SCHIP1: variants seen among roughly 807,000 people sequenced by gnomAD.
SCHIP1 encodes schwannomin-interacting protein 1.
A neutral mutation model predicts 29.7 loss-of-function variants in SCHIP1; 8 were observed. The ratio of observed to expected loss-of-function variants is 0.27; its 90% CI spans 0.16 to 0.49. SCHIP1 has a LOEUF of 0.49. SCHIP1 is among the 20% of genes least tolerant of loss of function. The pLI is 0.99. For synonymous variants in SCHIP1, 76 were observed against 94.9 expected (o/e 0.80, Z 1.16); for missense variants, 193 against 294.6 (o/e 0.66, Z 2.52).
chr3:159,445,474 C>T, the SCHIP1 span, among the ~76,000 whole-genome samples: 1 of 151,720 alleles, frequency 6.6e-6, no homozygotes, highest in African/African-American at 2.4e-5. Flanking sequence ...TGTGGCGATT[C>T]CTCAGGGATC....
the SCHIP1 span, among the ~76,000 whole-genome samples, chr3:159,507,223 G>C: frequency 6.6e-6 from 1 of 152,054 alleles, no homozygotes; most frequent in Non-Finnish European, 1.5e-5. Context: ...TATTCTCTTT[G>C]AAGCAATTGT....
the SCHIP1 span, among the ~76,000 whole-genome samples, chr3:159,474,736 C>T: frequency 6.6e-6 from 1 of 152,052 alleles, no homozygotes; most frequent in African/African-American, 2.4e-5. Flanking sequence ...AATTCATATC[C>T]CACCTAATAG....
the SCHIP1 span, among the ~76,000 whole-genome samples, chr3:159,528,996 TCATC>T: frequency 6.6e-6 from 1 of 152,192 alleles, no homozygotes; most frequent in Non-Finnish European, 1.5e-5. Context: ...GCCTCTGATG[TCATC>T]CATCAAAGTC....
chr3:159,487,996 C>T, the SCHIP1 span, among the ~76,000 whole-genome samples: 1 of 152,134 alleles, frequency 6.6e-6, no homozygotes, highest in Non-Finnish European at 1.5e-5. Flanking sequence ...TCACAGTTTT[C>T]CTGGGGGCAG....
chr3:159,494,004 T>A, the SCHIP1 span, among the ~76,000 whole-genome samples: 1 of 152,084 alleles, frequency 6.6e-6, no homozygotes, highest in Non-Finnish European at 1.5e-5. Context: ...GAATGACTAC[T>A]GGGTACATAA....
At chr3:159,720,419 A>G in the SCHIP1 span, among the ~76,000 whole-genome samples, 14 of 152,140 alleles carry the variant, frequency 9.2e-5, 1 homozygote, top group Admixed American at 9.2e-4. Flanking sequence ...GTAAAAATTG[A>G]ATAACTTAGA....
the SCHIP1 span, chr3:159,387,193 C>T: frequency 5.3e-6 from 1 of 187,786 alleles, no homozygotes; most frequent in East Asian, 1.7e-4. Context: ...TGGCTACCTC[C>T]CTGAAACATT....
the SCHIP1 span, among the ~76,000 whole-genome samples, chr3:159,412,815 TG>T: frequency 2.0e-5 from 3 of 152,116 alleles, no homozygotes; most frequent in East Asian, 1.9e-4. Flanking sequence ...TCTGCAGCAA[TG>T]GATCTTTAGC....
the SCHIP1 span, chr3:159,273,750 G>T: frequency 2.5e-6 from 4 of 1,589,510 alleles, no homozygotes. Flanking sequence ...ACCCTTTACG[G>T]ATTTCTTTCA....
chr3:159,805,619 G>A, the SCHIP1 span, among the ~76,000 whole-genome samples: 1 of 152,114 alleles, frequency 6.6e-6, no homozygotes, highest in Admixed American at 6.5e-5. Context: ...TCTAGACAGA[G>A]GGTGTGCTTT....
chr3:159,545,413 C>G, the SCHIP1 span, among the ~76,000 whole-genome samples: 2 of 151,856 alleles, frequency 1.3e-5, no homozygotes, highest in Non-Finnish European at 2.9e-5. Context: ...GCCTCCCAGC[C>G]TACATCTTTC....
chr3:159,350,140 A>AT, the SCHIP1 span, among the ~76,000 whole-genome samples: 1 of 152,092 alleles, frequency 6.6e-6, no homozygotes, highest in Non-Finnish European at 1.5e-5. Flanking sequence ...TAGCTCCTGC[A>AT]TTTTTTACAC....
At chr3:159,633,976 G>A in the SCHIP1 span, among the ~76,000 whole-genome samples, 1 of 152,062 alleles carries the variant, frequency 6.6e-6, no homozygotes, top group Admixed American at 6.6e-5. Context: ...TGTAATCTTA[G>A]AACACTAGTC....
At chr3:159,730,815 T>C in the SCHIP1 span, among the ~76,000 whole-genome samples, 1 of 152,210 alleles carries the variant, frequency 6.6e-6, no homozygotes, top group Non-Finnish European at 1.5e-5. Flanking sequence ...GGGTTAGCCA[T>C]TTACTAAACA....
chr3:159,634,538 T>C, the SCHIP1 span, among the ~76,000 whole-genome samples: 1 of 152,336 alleles, frequency 6.6e-6, no homozygotes, highest in East Asian at 1.9e-4. Context: ...ATCTTCCTTT[T>C]GTTATGACTT....
the SCHIP1 span, among the ~76,000 whole-genome samples, chr3:159,403,120 T>G: frequency 6.6e-6 from 1 of 152,110 alleles, no homozygotes; most frequent in African/African-American, 2.4e-5. Flanking sequence ...CCCACATACT[T>G]TATCCATTCC....
the SCHIP1 span, among the ~76,000 whole-genome samples, chr3:159,343,367 T>G: frequency 6.6e-6 from 1 of 152,190 alleles, no homozygotes; most frequent in Non-Finnish European, 1.5e-5. Flanking sequence ...CACTCCAAAC[T>G]CAATGCTTTC....
At chr3:159,496,450 G>C in the SCHIP1 span, among the ~76,000 whole-genome samples, 10 of 152,188 alleles carry the variant, frequency 6.6e-5, no homozygotes, top group Non-Finnish European at 1.3e-4. Flanking sequence ...CGAAGGATAT[G>C]AACATACACT....
At chr3:159,561,080 TATG>T in the SCHIP1 span, among the ~76,000 whole-genome samples, 334 of 152,344 alleles carry the variant, frequency 2.2e-3, 2 homozygotes, top group African/African-American at 7.6e-3. Context: ...CAGTGTTTTT[TATG>T]ATATTTGTAT....
Sources: gnomAD v4.1 joint callset for allele counts (sites outside exome capture counted in the v4.1 genomes callset) on GRCh38, gnomAD v4.1.1 for gene constraint, MANE v1.5 for transcripts, NCBI Gene and HGNC (gene_info 2026-07-23, HGNC 2026-07-21) for gene names.